The following NIPA1 variants were observed in gnomAD, a reference collection of about 807,000 sequenced individuals.
NIPA1 encodes the protein NIPA magnesium transporter 1.
A neutral mutation model predicts 23.9 loss-of-function variants in NIPA1; 13 were observed. The ratio of observed to expected loss-of-function variants is 0.54; its 90% confidence interval spans 0.35 to 0.87. The LOEUF is 0.87. NIPA1 is among the 40% of genes least tolerant of loss of function. The probability of loss-of-function intolerance (pLI) is 0.01; values close to 1 mark genes in which losing one functional copy is unlikely to be tolerated. For missense variants in NIPA1, 362 were observed against 429.7 expected (o/e 0.84, Z 1.39); for synonymous variants, 234 against 202.9 (o/e 1.15, Z -1.30).
chr15:22,794,382 A>G (rs1401619982), intron 1 of NIPA1, among the ~76,000 whole-genome samples: 30 of 152,056 alleles, frequency 2.0e-4, no homozygotes. Flanking sequence ...GTTTATGGGT[A>G]CAAAGCTTCA....
intron 1 of NIPA1, among the ~76,000 whole-genome samples, chr15:22,804,167 G>A (rs997408719): frequency 1.1e-4 from 16 of 151,940 alleles, no homozygotes; most frequent in Middle Eastern, 3.4e-3. Context: ...TAGTAGAGAC[G>A]GGGTTTCATC....
At chr15:22,818,190 G>A (rs773707146) in intron 3 of NIPA1, among the ~76,000 whole-genome samples, 1 of 152,146 alleles carries the variant, frequency 6.6e-6, no homozygotes, top group Non-Finnish European at 1.5e-5. Context: ...TGTAATCCCA[G>A]CACTTTGGGA....
At chr15:22,796,178 T>C (rs537929909) in intron 1 of NIPA1, among the ~76,000 whole-genome samples, 2 of 152,126 alleles carry the variant, frequency 1.3e-5, no homozygotes, top group Non-Finnish European at 2.9e-5. Context: ...CACCTCAGCC[T>C]CCCAAAGTGC....
intron 1 of NIPA1, among the ~76,000 whole-genome samples, chr15:22,810,344 C>G (rs1052908023): frequency 6.6e-6 from 1 of 152,144 alleles, no homozygotes; most frequent in African/African-American, 2.4e-5. Flanking sequence ...AGCAGGAAGT[C>G]AAACCCTATG....
chr15:22,822,908 GTTTTTTTTTTTTTTT>G (rs59308538), intron 4 of NIPA1, among the ~76,000 whole-genome samples: 26 of 91,474 alleles, frequency 2.8e-4, no homozygotes, highest in African/African-American at 1.3e-3. Context: ...GCTGTAAATG[GTTTTTTTTTTTTTTT>G]TTTTTTTTTT....
intron 1 of NIPA1, among the ~76,000 whole-genome samples, chr15:22,807,804 G>GTGTGTGTGTGTGTGTGTGT (rs1895240688): frequency 9.3e-5 from 14 of 150,672 alleles, no homozygotes; most frequent in South Asian, 2.1e-4. Context: ...GTGTGTGTGT[G>GTGTGTGTGTGTGTGTGTGT]ATGGAGTCTC....
chr15:22,802,075 A>G (rs4778554), intron 1 of NIPA1, among the ~76,000 whole-genome samples: 111,686 of 152,014 alleles, frequency 0.73, 42,553 homozygotes, highest in African/African-American at 0.93. Context: ...GTGTGGGCTA[A>G]CCCAGAAACT....
chr15:22,814,267 T>G (rs1283830222), intron 3 of NIPA1: 2 of 317,622 alleles, frequency 6.3e-6, no homozygotes, highest in Admixed American at 7.9e-5. Context: ...TTTTTTTGTT[T>G]TTTTTTTTGA....
chr15:22,788,204 T>C, intron 1 of NIPA1, among the ~76,000 whole-genome samples: 1 of 151,822 alleles, frequency 6.6e-6, no homozygotes, highest in South Asian at 2.1e-4. Flanking sequence ...CAAACCGGAG[T>C]AGAAGAACAT....
chr15:22,809,744 G>GAAAAA lies in NIPA1; in HGVS notation c.179-996_179-992dup, dbSNP rs34782532. On this transcript the variant is annotated intron_variant, in intron 1 of 4. Coordinates refer to ENST00000337435, the MANE Select transcript of NIPA1 (RefSeq NM_144599.5). Reference sequence around the variant, plus strand: ...TGGGTGACAGAGTGAGACTCTGTCTGAAAAAAAAAAAAAGGCCAGGCGCGG... The same window carrying GAAAAA: ...TGGGTGACAGAGTGAGACTCTGTCTGAAAAAAAAAAAAAAAAAAGGCCAGGCGCGG... 3.0e-3 allele frequency among the ~76,000 whole-genome samples: 411 copies of GAAAAA among 136,122 alleles called. 1 individual carries two copies. The highest frequency in any genetic ancestry group is 5.2e-3 in the Non-Finnish European group (320 of 61,706). The allele number at this position is 136,122 out of a possible 152,430, so 89.3% of individuals were successfully genotyped here. A position where few individuals can be genotyped will look rare whatever the true frequency, so the allele number is the denominator to read the frequency against.
At position 22,826,184 on chromosome 15, in the gene NIPA1, T is replaced by C. The variant is rs1403003058; in HGVS notation, c.*1945T>C. 6.6e-6 allele frequency: 1 copy of C among 152,198 alleles called. No individual in the cohort carries two copies. Among genetic ancestry groups the C allele is most frequent in the Non-Finnish European group, 1.5e-5 (1 of 68,030 alleles). 9.4% of individuals were successfully genotyped at this position (152,198 alleles called of 1,614,324 possible). On this transcript the variant is annotated 3_prime_UTR_variant, in exon 5 of 5. Transcript: ENST00000337435. ...TAAATAAAATGAGACTAGTTTAATA[T>C]AGAGAGAAAAATACCTTTATGGAGT... is the stretch of plus-strand genomic sequence containing the variant.
rs113628360 is a variant in NIPA1, at chr15:22,787,087, G to T, written c.178+253G>T. On this transcript the variant is annotated intron_variant, in intron 1 of 4. Transcript: ENST00000337435. Reference sequence around the variant, plus strand: ...GCGTCCGGCGCTTCGCCGACGCCACGGCTTTTCTCCGTTCTCAGCGGCTGG... The same window carrying T: ...GCGTCCGGCGCTTCGCCGACGCCACTGCTTTTCTCCGTTCTCAGCGGCTGG... Among the ~76,000 whole-genome samples the T allele has an allele frequency of 0.023, 3,501 of 152,084 alleles. 129 individuals carry two copies. Among genetic ancestry groups the T allele is most frequent in the African/African-American group, 0.08 (3,302 of 41,526 alleles).
chr15:22,807,782 T>TTGTGTGTGTGTGTGTGTGTGTGTGTGTG lies in NIPA1; in HGVS notation c.179-2945_179-2944insTGTGTGTGTGTGTGTGTGTGTGTGTGTG, dbSNP rs71117484. On this transcript the variant is annotated intron_variant, in intron 1 of 4. Coordinates refer to ENST00000337435, the MANE Select transcript of NIPA1 (RefSeq NM_144599.5). ...TAATTTCCACAGAGTTTAAATTCAC[T>TTGTGTGTGTGTGTGTGTGTGTGTGTGTG]TGTGTGTGTGTGTGTGTGTGTGATG... Among the ~76,000 whole-genome samples, 1,333 of 145,878 alleles carry TTGTGTGTGTGTGTGTGTGTGTGTGTGTG rather than the reference T, an allele frequency of 9.1e-3. 25 individuals carry two copies. Among genetic ancestry groups the TTGTGTGTGTGTGTGTGTGTGTGTGTGTG allele is most frequent in the African/African-American group, 0.024 (897 of 38,014 alleles).
chr15:22,818,401 A>C (rs1382424045), intron 3 of NIPA1, among the ~76,000 whole-genome samples: 3 of 152,010 alleles, frequency 2.0e-5, no homozygotes. Flanking sequence ...GCGCCATTGC[A>C]CTCCAGCCTG....
intron 1 of NIPA1, among the ~76,000 whole-genome samples, chr15:22,807,689 C>A (rs1196892208): frequency 6.6e-6 from 1 of 151,626 alleles, no homozygotes; most frequent in Admixed American, 6.6e-5. Context: ...ACTGACCAAG[C>A]AAAAAAGAAG....
At chr15:22,813,715 G>C in intron 3 of NIPA1, 2 of 453,524 alleles carry the variant, frequency 4.4e-6, no homozygotes, top group Non-Finnish European at 8.8e-6. Flanking sequence ...AGGCATTAAG[G>C]TTCTGTGACC....
At chr15:22,803,673 T>TA (rs1895136910) in intron 1 of NIPA1, among the ~76,000 whole-genome samples, 1 of 110,358 alleles carries the variant, frequency 9.1e-6, no homozygotes, top group South Asian at 3.1e-4. Context: ...CGGGCCCGGC[T>TA]AATTTTTTTT....
chr15:22,800,301 C>G (rs1000449428), intron 1 of NIPA1, among the ~76,000 whole-genome samples: 1 of 152,054 alleles, frequency 6.6e-6, no homozygotes, highest in Admixed American at 6.6e-5. Context: ...CATATTGCCA[C>G]GAGTCTTTCT....
At chr15:22,803,675 ATTTT>A (rs34811722) in intron 1 of NIPA1, among the ~76,000 whole-genome samples, 1 of 71,086 alleles carries the variant, frequency 1.4e-5, no homozygotes, top group Non-Finnish European at 2.5e-5. Context: ...GGCCCGGCTA[ATTTT>A]TTTTTTTTTT....
Sources: gnomAD v4.1 joint callset for allele counts (sites outside exome capture counted in the v4.1 genomes callset) on GRCh38, gnomAD v4.1.1 for gene constraint, MANE v1.5 for transcripts, NCBI Gene and HGNC (gene_info 2026-07-23, HGNC 2026-07-21) for gene names.